The following SEMA3A variants were observed in gnomAD, a reference collection of about 807,000 sequenced individuals.
The protein encoded by SEMA3A is semaphorin-3A.
A neutral mutation model predicts 97.9 loss-of-function variants in SEMA3A; 29 were observed. That is an observed-to-expected ratio of 0.30 (90% CI 0.22 to 0.40). The LOEUF (loss-of-function observed/expected upper bound fraction) is 0.40, where lower values mean the gene tolerates loss of function less well. SEMA3A is among the 10% of genes least tolerant of loss of function. The pLI, the probability that SEMA3A is intolerant of heterozygous loss-of-function variation, is 1.00. For synonymous variants in SEMA3A, 321 were observed against 323.7 expected (o/e 0.99, Z 0.09); for missense variants, 763 against 951.3 (o/e 0.80, Z 2.60).
intron 1 of SEMA3A, among the ~76,000 whole-genome samples, chr7:84,406,433 G>C (rs1046833207): frequency 6.6e-6 from 1 of 152,124 alleles, no homozygotes; most frequent in Non-Finnish European, 1.5e-5. Flanking sequence ...AAAAAGTCCA[G>C]GACAAGATGG....
chr7:84,363,275 G>A (rs1802767995), intron 2 of SEMA3A, among the ~76,000 whole-genome samples: 1 of 151,886 alleles, frequency 6.6e-6, no homozygotes, highest in African/African-American at 2.4e-5. Flanking sequence ...TTAAGTGAGA[G>A]AAATAGAAAT....
chr7:84,128,898 A>T (rs1426255208), intron 3 of SEMA3A, among the ~76,000 whole-genome samples: 1 of 152,120 alleles, frequency 6.6e-6, no homozygotes, highest in African/African-American at 2.4e-5. Flanking sequence ...CCGAGGGAAA[A>T]ATAAAATTAC....
intron 3 of SEMA3A, among the ~76,000 whole-genome samples, chr7:84,252,521 C>A (rs1304722516): frequency 6.6e-6 from 1 of 152,102 alleles, no homozygotes; most frequent in African/African-American, 2.4e-5. Context: ...CAGTTATGAA[C>A]CTGTCATAAA....
chr7:84,374,258 C>A (rs1803045992), intron 1 of SEMA3A, among the ~76,000 whole-genome samples: 1 of 152,150 alleles, frequency 6.6e-6, no homozygotes, highest in Non-Finnish European at 1.5e-5. Flanking sequence ...TCAAAGAATT[C>A]TTTAAAATAA....
chr7:84,477,051 C>T (rs977120775), intron 1 of SEMA3A, among the ~76,000 whole-genome samples: 1 of 140,582 alleles, frequency 7.1e-6, no homozygotes, highest in African/African-American at 2.7e-5. Flanking sequence ...GAGTATATGC[C>T]ATGTGTTTGT....
intron 1 of SEMA3A, among the ~76,000 whole-genome samples, chr7:84,389,891 TAGAC>T (rs769324360): frequency 1.9e-4 from 29 of 152,184 alleles, no homozygotes; most frequent in Middle Eastern, 6.8e-3. Flanking sequence ...AAACCAAAAT[TAGAC>T]AGAGAGAAAG....
chr7:84,024,956 G>A (rs1448172235), intron 6 of SEMA3A, among the ~76,000 whole-genome samples: 2 of 152,002 alleles, frequency 1.3e-5, no homozygotes, highest in South Asian at 2.1e-4. Flanking sequence ...GCATGGTGGT[G>A]GGCGCCTGTG....
intron 1 of SEMA3A, among the ~76,000 whole-genome samples, chr7:84,185,464 G>A (rs1584098097): frequency 6.6e-6 from 1 of 151,800 alleles, no homozygotes; most frequent in East Asian, 1.9e-4. Context: ...CTGAGGTCAG[G>A]AGTTCGAGAC....
chr7:84,166,926 T>C (rs1584070409), intron 1 of SEMA3A, among the ~76,000 whole-genome samples: 1 of 149,102 alleles, frequency 6.7e-6, no homozygotes, highest in Non-Finnish European at 1.5e-5. Flanking sequence ...GTAGCAGCAA[T>C]GTTGAATTAA....
chr7:84,377,073 T>G (rs889356348), intron 1 of SEMA3A, among the ~76,000 whole-genome samples: 1 of 152,198 alleles, frequency 6.6e-6, no homozygotes, highest in Non-Finnish European at 1.5e-5. Context: ...TTTTGAGATT[T>G]TCTCCATAAA....
chr7:84,314,464 T>C (rs575371598), intron 2 of SEMA3A, among the ~76,000 whole-genome samples: 37 of 152,308 alleles, frequency 2.4e-4, no homozygotes, highest in Admixed American at 5.2e-4. Context: ...ATCCAGCTCA[T>C]TGTTCTGCTC....
At chr7:84,047,906 C>A (rs947841960) in intron 5 of SEMA3A, among the ~76,000 whole-genome samples, 1 of 151,720 alleles carries the variant, frequency 6.6e-6, no homozygotes. Flanking sequence ...TTTGGTAGAA[C>A]CTTTGTCTCG....
chr7:84,490,138 A>T (rs1806681362), intron 1 of SEMA3A, among the ~76,000 whole-genome samples: 2 of 151,018 alleles, frequency 1.3e-5, no homozygotes, highest in South Asian at 4.1e-4. Flanking sequence ...ACAAATTATA[A>T]TTCCAGTAAA....
rs532376119 is a variant in SEMA3A, at chr7:84,452,094, A to G, written c.-246+40366T>C. Among the ~76,000 whole-genome samples the G allele has an allele frequency of 1.7e-3, 264 of 152,298 alleles. 2 individuals are homozygous for G. The highest frequency in any genetic ancestry group is 6.0e-3 in the African/African-American group (248 of 41,558). ...TTACTTATTTAAATATAGCTTTAAC[A>G]TCCATTTTTTTACACACCTGACAAC... On this transcript the variant is annotated intron_variant, in intron 1 of 3. Coordinates refer to the SEMA3A transcript ENST00000424555.
chr7:84,261,639 C>T (rs1207265654), intron 3 of SEMA3A, among the ~76,000 whole-genome samples: 2 of 152,242 alleles, frequency 1.3e-5, no homozygotes, highest in Non-Finnish European at 2.9e-5. Flanking sequence ...TGGAGCTGCC[C>T]ACCTTACCAC....
intron 12 of SEMA3A, among the ~76,000 whole-genome samples, chr7:84,001,320 C>T (rs1387984897): frequency 6.6e-6 from 1 of 151,664 alleles, no homozygotes; most frequent in Admixed American, 6.6e-5. Context: ...CACCCAACCC[C>T]CCTCTCACCC....
At chr7:83,980,068 C>T (rs1789328763) in intron 14 of SEMA3A, among the ~76,000 whole-genome samples, 1 of 152,108 alleles carries the variant, frequency 6.6e-6, no homozygotes, top group Non-Finnish European at 1.5e-5. Flanking sequence ...GGTTGATATA[C>T]ATGCTGTTAA....
At chr7:84,228,688 C>G (rs1282658094) in intron 3 of SEMA3A, among the ~76,000 whole-genome samples, 1 of 152,034 alleles carries the variant, frequency 6.6e-6, no homozygotes, top group Non-Finnish European at 1.5e-5. Context: ...AGCAGGAGAT[C>G]AGAGTGAATG....
At chr7:84,396,547 C>A (rs550898905) in intron 1 of SEMA3A, among the ~76,000 whole-genome samples, 21 of 151,874 alleles carry the variant, frequency 1.4e-4, no homozygotes, top group African/African-American at 2.2e-4. Flanking sequence ...AAAGAAAATA[C>A]CTTATAAATT....
Sources: gnomAD v4.1 joint callset for allele counts (sites outside exome capture counted in the v4.1 genomes callset) on GRCh38, gnomAD v4.1.1 for gene constraint, MANE v1.5 for transcripts, NCBI Gene and HGNC (gene_info 2026-07-23, HGNC 2026-07-21) for gene names.